Variants in ASB15 observed in about 807,000 individuals in gnomAD.
ASB15 encodes ankyrin repeat and SOCS box containing 15, also known as ankyrin repeat and SOCS box protein 15.
ASB15 carries 54 observed loss-of-function variants against 58.0 expected under a neutral mutation model. The observed-to-expected ratio is 0.93, with a 90% CI of 0.75 to 1.17. The LOEUF is 1.17. Ranked by LOEUF, ASB15 falls within the 50% of genes most tolerant of loss-of-function variation. ASB15 has a pLI of 0.00. For synonymous variants in ASB15, 249 were observed against 262.4 expected, an observed-to-expected ratio of 0.95 and a Z score of 0.50; for missense variants, 680 against 707.4, an observed-to-expected ratio of 0.96 and a Z score of 0.44.
intron 1 of ASB15, among the ~76,000 whole-genome samples, chr7:123,594,990 G>A (rs1328304792): frequency 6.6e-6 from 1 of 152,088 alleles, no homozygotes; most frequent in Non-Finnish European, 1.5e-5. Context: ...GCATAAAACC[G>A]CCTACTCAAG....
chr7:123,616,982 T>C (rs918884285), intron 6 of ASB15, among the ~76,000 whole-genome samples: 1 of 152,140 alleles, frequency 6.6e-6, no homozygotes, highest in African/African-American at 2.4e-5. Context: ...AAGCCACTGT[T>C]AAATATTAAC....
Position 123,637,033 on chromosome 7 carries a change from A to G in ASB15, c.*52A>G. ...AAAAATGTTGAAATGTGATTCCCTCAGATAATTTCTTGTAACCATTTTACA... is the reference window on the plus strand; with the variant it reads ...AAAAATGTTGAAATGTGATTCCCTCGGATAATTTCTTGTAACCATTTTACA... On this transcript the variant is annotated 3_prime_UTR_variant, in exon 12 of 12. Transcript: ENST00000451215. 7.8e-7 allele frequency: 1 copy of G among 1,276,942 alleles called. No homozygotes were observed. 79.1% of individuals were successfully genotyped at this position (1,276,942 alleles called of 1,614,324 possible).
chr7:123,623,245 T>G (rs1199760385), intron 7 of ASB15: 1 of 152,200 alleles, frequency 6.6e-6, no homozygotes, highest in African/African-American at 2.4e-5. Flanking sequence ...AATGAATGAA[T>G]GAGTGAATGT....
chr7:123,629,650 A>C (rs1451478560), intron 10 of ASB15, among the ~76,000 whole-genome samples: 1 of 151,570 alleles, frequency 6.6e-6, no homozygotes, highest in East Asian at 1.9e-4. Flanking sequence ...TCTTGACTTG[A>C]AAACTGAATG....
chr7:123,631,749 TC>T (rs1562942113), intron 11 of ASB15, among the ~76,000 whole-genome samples: 1 of 152,020 alleles, frequency 6.6e-6, no homozygotes, highest in Non-Finnish European at 1.5e-5. Context: ...GAACCAAGCA[TC>T]CTTCTAAAAA....
chr7:123,567,547 T>C (rs1189614149), intron 1 of ASB15, among the ~76,000 whole-genome samples: 34 of 152,228 alleles, frequency 2.2e-4, no homozygotes, highest in Admixed American at 2.2e-3. Flanking sequence ...TGTGAGGGAC[T>C]GGGTCCTACC....
intron 11 of ASB15, among the ~76,000 whole-genome samples, chr7:123,636,384 T>A (rs1410656193): frequency 6.6e-6 from 1 of 152,214 alleles, no homozygotes; most frequent in Non-Finnish European, 1.5e-5. Context: ...ATCTATGGAA[T>A]CATCTGTGTC....
At chr7:123,621,082 T>C (rs2116578233) in intron 7 of ASB15, among the ~76,000 whole-genome samples, 1 of 152,308 alleles carries the variant, frequency 6.6e-6, no homozygotes, top group South Asian at 2.1e-4. Context: ...CACTCCTTGT[T>C]TTCTTTTGGC....
intron 3 of ASB15, among the ~76,000 whole-genome samples, chr7:123,611,249 C>T (rs115762202): frequency 0.017 from 2,580 of 152,214 alleles, 76 homozygotes; most frequent in African/African-American, 0.059. Context: ...TGCTGGCCCT[C>T]AGGTGGGATT....
chr7:123,635,280 G>A (rs768186931), intron 11 of ASB15, among the ~76,000 whole-genome samples: 14 of 152,124 alleles, frequency 9.2e-5, no homozygotes, highest in Non-Finnish European at 1.6e-4. Flanking sequence ...ATAGACCTAG[G>A]AGGTGATTAT....
chr7:123,599,731 T>C (rs530561493), upstream of ASB15, among the ~76,000 whole-genome samples: 19 of 152,210 alleles, frequency 1.2e-4, no homozygotes, highest in Admixed American at 6.5e-4. Flanking sequence ...GTTGCTATAA[T>C]TATCATTTTG....
intron 3 of ASB15, among the ~76,000 whole-genome samples, chr7:123,613,692 G>A (rs1471975491): frequency 6.6e-6 from 1 of 152,138 alleles, no homozygotes; most frequent in Non-Finnish European, 1.5e-5. Flanking sequence ...TTATAACAAT[G>A]TTCAAATGAT....
Position 123,617,655 on chromosome 7 carries a change from G to C in ASB15, c.369G>C (p.Leu123=). ...TPLTLAVKAG[L]VENVRTLLEK... ...TGACTTTGGCAGTCAAAGCTGGTCT[G>C]GTGGAAAATGTAAGAACTTTATTAG... Residue 123 remains leucine, a synonymous_variant, in exon 7 of 12, where the codon CTG becomes CTC. Transcript: ENST00000451215. The C allele has an allele frequency of 1.2e-6, 2 of 1,610,838 alleles. No homozygotes were observed. Among genetic ancestry groups the C allele is most frequent in the Non-Finnish European group, 1.7e-6 (2 of 1,177,052 alleles).
rs902003384 is a variant in ASB15 at position 123,617,437 on chromosome 7, G to A, written c.293-142G>A. 4.0e-5 allele frequency: 30 copies of A among 753,456 alleles called. No homozygotes were observed. In the South Asian group the frequency reaches 9.2e-4, roughly 23 times the overall value. The allele number at this position is 753,456 out of a possible 1,614,324, so 46.7% of individuals were successfully genotyped here. ...ATCTACTTTATCCTCACCGTCATTT[G>A]GTAAACTTTTGTCAAAGTCCTTTCA... is the stretch of plus-strand genomic sequence containing the variant. On this transcript the variant is annotated intron_variant, in intron 6 of 11. Transcript: ENST00000451215.
chr7:123,631,253 T>C (rs537848393), intron 11 of ASB15, among the ~76,000 whole-genome samples: 14 of 152,326 alleles, frequency 9.2e-5, no homozygotes, highest in South Asian at 4.1e-4. Flanking sequence ...TAAGATAGTA[T>C]TAACCTCATA....
At chr7:123,609,725 G>A (rs1800337995) in intron 3 of ASB15, among the ~76,000 whole-genome samples, 1 of 152,220 alleles carries the variant, frequency 6.6e-6, no homozygotes, top group Admixed American at 6.5e-5. Flanking sequence ...GTTCCGTGCT[G>A]TGGGAGCTAC....
chr7:123,580,381 A>G (rs1799193068), intron 1 of ASB15, among the ~76,000 whole-genome samples: 1 of 152,014 alleles, frequency 6.6e-6, no homozygotes, highest in Admixed American at 6.6e-5. Flanking sequence ...AGTCATCACA[A>G]TCAAACTTGC....
At chr7:123,581,414 T>TAAAA (rs10642389) in intron 1 of ASB15, among the ~76,000 whole-genome samples, 166 of 124,436 alleles carry the variant, frequency 1.3e-3, no homozygotes, top group South Asian at 6.1e-3. Flanking sequence ...AGTGAGCACT[T>TAAAA]AAAAAAAAAA....
At chr7:123,624,849 T>C in intron 8 of ASB15, 35 bp downstream of exon 8, 1 of 1,589,352 alleles carries the variant, frequency 6.3e-7, no homozygotes, top group Non-Finnish European at 8.6e-7. Context: ...CTGACTTTTG[T>C]CCTGCCTCTC....
Sources: allele counts gnomAD v4.1 joint callset (sites outside exome capture counted in the v4.1 genomes callset), GRCh38; gene constraint gnomAD v4.1.1; transcripts MANE v1.5; gene names NCBI Gene and HGNC (gene_info 2026-07-23, HGNC 2026-07-21).